The following CABLES1 variants were observed in gnomAD, a reference collection of about 807,000 sequenced individuals.
CABLES1 encodes the protein CDK5 and ABL1 enzyme substrate 1.
In CABLES1, 36 loss-of-function variants were observed where a neutral mutation model predicts 57.8. That is an observed-to-expected ratio of 0.62 (90% CI 0.48 to 0.82). The LOEUF (loss-of-function observed/expected upper bound fraction) is 0.82, where lower values mean the gene tolerates loss of function less well. CABLES1 is among the 40% of genes least tolerant of loss of function. The pLI, the probability that CABLES1 is intolerant of heterozygous loss-of-function variation, is 0.00. For missense variants in CABLES1, 767 were observed against 836.6 expected, an observed-to-expected ratio of 0.92 and a Z score of 1.03; for synonymous variants, 374 against 363.0, an observed-to-expected ratio of 1.03 and a Z score of -0.35.
chr18:23,171,992 C>T (rs2047085937), intron 1 of CABLES1, among the ~76,000 whole-genome samples: 1 of 152,332 alleles, frequency 6.6e-6, no homozygotes, highest in South Asian at 2.1e-4. Context: ...ATGATCACAG[C>T]TCACCACAGC....
At chr18:23,222,839 C>T (rs1181193107) in intron 4 of CABLES1, among the ~76,000 whole-genome samples, 1 of 152,154 alleles carries the variant, frequency 6.6e-6, no homozygotes, top group Non-Finnish European at 1.5e-5. Flanking sequence ...CTCCAAGTGA[C>T]TCTGTCCCAC....
At chr18:23,176,097 G>C (rs1257049496) in intron 1 of CABLES1, among the ~76,000 whole-genome samples, 1 of 152,156 alleles carries the variant, frequency 6.6e-6, no homozygotes. Flanking sequence ...ATGACGAGAG[G>C]GTGAGGCAGA....
intron 1 of CABLES1, among the ~76,000 whole-genome samples, chr18:23,143,949 C>G (rs1213843025): frequency 1.3e-5 from 2 of 152,234 alleles, no homozygotes; most frequent in East Asian, 3.9e-4. Context: ...ACTGCAACCT[C>G]CCCCGCTCCC....
chr18:23,200,660 A>G (rs193141235), intron 3 of CABLES1, among the ~76,000 whole-genome samples: 359 of 152,362 alleles, frequency 2.4e-3, no homozygotes, highest in Middle Eastern at 3.4e-3. Flanking sequence ...CTAGCAGTCA[A>G]CGTGAGTTCA....
chr18:23,160,788 C>A (rs1210696943), intron 1 of CABLES1, among the ~76,000 whole-genome samples: 1 of 152,178 alleles, frequency 6.6e-6, no homozygotes, highest in Non-Finnish European at 1.5e-5. Context: ...AATCCCAGCA[C>A]TTTGGGAGGC....
chr18:23,180,607 C>A lies in CABLES1; in HGVS notation c.846-8231C>A, dbSNP rs9946565. Among the ~76,000 whole-genome samples, 611 of 152,244 alleles carry A rather than the reference C, an allele frequency of 4.0e-3. 4 individuals carry two copies. The highest frequency in any genetic ancestry group is 0.014 in the African/African-American group (578 of 41,544). ...TCATAACTCATTGCAACCTCGACTT[C>A]CTGTGTTCAAGCGTGCCTCAGCCTC... On this transcript the variant is annotated intron_variant, in intron 1 of 9. Coordinates refer to ENST00000256925, the MANE Select transcript of CABLES1 (RefSeq NM_001100619.3).
chr18:23,194,299 C>G, intron 2 of CABLES1, 149 bp from the exon 3 acceptor site: 3 of 554,186 alleles, frequency 5.4e-6, no homozygotes, highest in Non-Finnish European at 9.7e-6. Flanking sequence ...TGCTTCCAGC[C>G]GTGTTGTCTT....
intron 1 of CABLES1, among the ~76,000 whole-genome samples, chr18:23,152,655 T>G (rs1391252062): frequency 1.3e-5 from 2 of 151,266 alleles, no homozygotes; most frequent in African/African-American, 4.9e-5. Context: ...CGGCTAATTT[T>G]TGTATTTTTG....
At chr18:23,218,999 G>C (rs2047465743) in intron 4 of CABLES1, 1 of 363,652 alleles carries the variant, frequency 2.7e-6, no homozygotes, top group Admixed American at 3.5e-5. Flanking sequence ...TAAATGTACA[G>C]TGTTAAGTAA....
intron 4 of CABLES1, among the ~76,000 whole-genome samples, chr18:23,219,489 G>A (rs909022154): frequency 2.6e-5 from 4 of 152,302 alleles, no homozygotes; most frequent in Admixed American, 6.5e-5. Context: ...GGATGCCAGC[G>A]GATGATCCAG....
intron 6 of CABLES1, among the ~76,000 whole-genome samples, 199 bp downstream of exon 6, chr18:23,236,250 C>T (rs1037301619): frequency 8.5e-5 from 13 of 152,286 alleles, no homozygotes; most frequent in South Asian, 2.1e-4. Context: ...ATGACCCAGT[C>T]GTTGACAGCC....
At chr18:23,257,026 C>T (rs915621452) in intron 9 of CABLES1, 3 of 588,018 alleles carry the variant, frequency 5.1e-6, no homozygotes, top group South Asian at 2.2e-5. Context: ...GGCAGCCCCT[C>T]GGGAAAGGAG....
rs10636287 is a variant in CABLES1 at position 23,191,080 on chromosome 18, CAAAAAAA to C, written c.917+2186_917+2192del. 2.4e-3 allele frequency among the ~76,000 whole-genome samples: 152 copies of C among 63,590 alleles called. 1 individual carries two copies. The highest frequency in any genetic ancestry group is 9.1e-3 in the Admixed American group (61 of 6,720). The allele number at this position is 63,590 out of a possible 152,430, so 41.7% of individuals were successfully genotyped here. A position where few individuals can be genotyped will look rare whatever the true frequency, so the allele number is the denominator to read the frequency against. On this transcript the variant is annotated intron_variant, in intron 2 of 9. Coordinates refer to ENST00000256925, the MANE Select transcript of CABLES1 (RefSeq NM_001100619.3). Reference sequence around the variant, plus strand: ...GCAATGTAGTGAGACCCCATCTCTACAAAAAAAAAAAAAAAAAAAAATTAACCAGGCA... The same window carrying C: ...GCAATGTAGTGAGACCCCATCTCTACAAAAAAAAAAAAAATTAACCAGGCA...
At chr18:23,150,172 C>A (rs2046917747) in intron 1 of CABLES1, among the ~76,000 whole-genome samples, 1 of 151,128 alleles carries the variant, frequency 6.6e-6, no homozygotes, top group Admixed American at 6.6e-5. Context: ...CATTTCCTCT[C>A]CACCTCTATT....
At chr18:23,199,823 G>A (rs541902605) in intron 3 of CABLES1, among the ~76,000 whole-genome samples, 41 of 152,274 alleles carry the variant, frequency 2.7e-4, no homozygotes, top group African/African-American at 9.9e-4. Context: ...TGATTAGATG[G>A]CATTTTATGT....
intron 3 of CABLES1, among the ~76,000 whole-genome samples, chr18:23,213,078 A>G (rs1298798760): frequency 6.6e-6 from 1 of 152,186 alleles, no homozygotes; most frequent in Admixed American, 6.5e-5. Flanking sequence ...GAACCGGACT[A>G]CATCCCAGGA....
At chr18:23,173,101 GGA>G (rs2047094793) in intron 1 of CABLES1, among the ~76,000 whole-genome samples, 1 of 152,204 alleles carries the variant, frequency 6.6e-6, no homozygotes, top group Non-Finnish European at 1.5e-5. Flanking sequence ...TTGGAGAGAT[GGA>G]GAGAGAGGGT....
At chr18:23,250,178 G>A (rs898864424) in intron 7 of CABLES1, among the ~76,000 whole-genome samples, 1 of 152,224 alleles carries the variant, frequency 6.6e-6, no homozygotes, top group Non-Finnish European at 1.5e-5. Flanking sequence ...CCACATGATC[G>A]TTAAGCAGCA....
At chr18:23,158,408 T>C (rs1208185378) in intron 1 of CABLES1, among the ~76,000 whole-genome samples, 1 of 152,120 alleles carries the variant, frequency 6.6e-6, no homozygotes, top group Non-Finnish European at 1.5e-5. Flanking sequence ...AGACCTTCTG[T>C]GTGTTTCAAC....
Sources: allele counts gnomAD v4.1 joint callset (sites outside exome capture counted in the v4.1 genomes callset), GRCh38; gene constraint gnomAD v4.1.1; transcripts MANE v1.5; gene names NCBI Gene and HGNC (gene_info 2026-07-23, HGNC 2026-07-21).